The following CFAP69 variants were observed in gnomAD, a reference collection of about 807,000 sequenced individuals.
The protein encoded by CFAP69 is cilia and flagella associated protein 69, also known as cilia- and flagella-associated protein 69.
A neutral mutation model predicts 123.0 loss-of-function variants in CFAP69; 92 were observed. The observed-to-expected ratio is 0.75, with a 90% CI of 0.63 to 0.89. The LOEUF (loss-of-function observed/expected upper bound fraction) is 0.89, where lower values mean the gene tolerates loss of function less well. CFAP69 is among the 40% of genes least tolerant of loss of function. The probability of loss-of-function intolerance (pLI) is 0.00; values close to 1 mark genes in which losing one functional copy is unlikely to be tolerated. For missense variants in CFAP69, 1,067 were observed against 1,096.9 expected, an observed-to-expected ratio of 0.97 and a Z score of 0.39; for synonymous variants, 380 against 364.3, an observed-to-expected ratio of 1.04 and a Z score of -0.49.
In CFAP69 at chr7:90,304,727, T is replaced by C; in HGVS notation, c.2189-17T>C. 1.3e-6 allele frequency: 2 copies of C among 1,598,604 alleles called. No homozygotes were observed. Among genetic ancestry groups the C allele is most frequent in the Non-Finnish European group, 1.7e-6 (2 of 1,174,546 alleles). On this transcript the variant is annotated splice_polypyrimidine_tract_variant and intron_variant, in intron 18 of 22. Coordinates refer to ENST00000389297, the MANE Select transcript of CFAP69 (RefSeq NM_001039706.3). Reference sequence around the variant, plus strand: ...TGCTCTGCTAAAGTAATTCTGTCTTTATAAACTTTATTTTAGATTTTGAAA... The same window carrying C: ...TGCTCTGCTAAAGTAATTCTGTCTTCATAAACTTTATTTTAGATTTTGAAA...
chr7:90,259,593 C>T (rs1253925152), intron 3 of CFAP69, among the ~76,000 whole-genome samples: 1 of 152,010 alleles, frequency 6.6e-6, no homozygotes, highest in African/African-American at 2.4e-5. Flanking sequence ...TGGGCTTAAG[C>T]GATCCTCTCA....
chr7:90,250,240 T>C, intron 1 of CFAP69, among the ~76,000 whole-genome samples: 1 of 102,102 alleles, frequency 9.8e-6, no homozygotes. Flanking sequence ...GAGAGACTCC[T>C]TGGTTGTCCA....
In CFAP69 at chr7:90,307,787, A is replaced by C; in HGVS notation, c.2483A>C (p.Gln828Pro). 6.2e-7 allele frequency: 1 copy of C among 1,609,958 alleles called. No individual in the cohort carries two copies. Among genetic ancestry groups the C allele is most frequent in the Non-Finnish European group, 8.5e-7 (1 of 1,177,980 alleles). Reference protein sequence around the residue: ...VYAKIQATHKQRELANKSWED... With the variant: ...VYAKIQATHKPRELANKSWED... ...TTTCAGATACAGGCCACGCACAAGC[A>C]AAGAGAGCTGGCTAATAAATCATGG... Residue 828 changes from glutamine (Q) to proline (P), a missense_variant, in exon 21 of 23, where the codon CAA becomes CCA. Transcript: ENST00000389297.
At chr7:90,247,425 T>C (rs1050613753) in intron 1 of CFAP69, among the ~76,000 whole-genome samples, 6 of 152,146 alleles carry the variant, frequency 3.9e-5, no homozygotes, top group Admixed American at 3.9e-4. Flanking sequence ...AAGGTGAGAG[T>C]ATCACAACTA....
chr7:90,301,673 G>A (rs1483827617), intron 17 of CFAP69: 1 of 152,116 alleles, frequency 6.6e-6, no homozygotes, highest in Non-Finnish European at 1.5e-5. Flanking sequence ...CTATTTTTAT[G>A]GCTGCATAGC....
rs2116922687 is a variant in CFAP69, at chr7:90,272,116, T to A, written c.860+158T>A. On this transcript the variant is annotated intron_variant, in intron 8 of 22. Transcript: ENST00000389297. Reference sequence around the variant, plus strand: ...TTTTTTGTTCCATGGTATAAATGAATCTGCACAATAACAAGCCACACTTTT... The same window carrying A: ...TTTTTTGTTCCATGGTATAAATGAAACTGCACAATAACAAGCCACACTTTT... 9 of 631,588 alleles carry A rather than the reference T, an allele frequency of 1.4e-5. No homozygotes were observed. The Middle Eastern group carries it at 3.6e-3, about 252-fold the overall frequency. The allele number at this position is 631,588 out of a possible 1,614,324, so 39.1% of individuals were successfully genotyped here.
rs1584522261 is a variant in CFAP69, at chr7:90,299,991, T to C, written c.1982T>C (p.Leu661Ser). The C allele has an allele frequency of 6.2e-7, 1 of 1,611,106 alleles. No homozygotes were observed. The change falls in exon 17 of 23, where the codon TTA (leucine) becomes TCA (serine). Residue 661 changes from leucine (L) to serine (S), a missense_variant. Coordinates refer to ENST00000389297, the MANE Select transcript of CFAP69 (RefSeq NM_001039706.3). ...GKKDQTAASLLIKLWRKEEKE... is the reference protein window; with the variant it reads ...GKKDQTAASLSIKLWRKEEKE... ...AAGGATCAGACAGCTGCTAGTCTTTTAATTAAATTGTGGAGAAAGGAGGAA... is the reference window on the plus strand; with the variant it reads ...AAGGATCAGACAGCTGCTAGTCTTTCAATTAAATTGTGGAGAAAGGAGGAA...
chr7:90,304,304 A>G (rs566015527), intron 18 of CFAP69, 198 bp downstream of exon 18: 1 of 1,298,268 alleles, frequency 7.7e-7, no homozygotes, highest in Non-Finnish European at 9.7e-7. Flanking sequence ...TCCAGGCAAT[A>G]GTATTTTTTA....
intron 16 of CFAP69, among the ~76,000 whole-genome samples, chr7:90,298,728 AG>A (rs1268465422): frequency 6.6e-6 from 1 of 152,150 alleles, no homozygotes; most frequent in East Asian, 1.9e-4. Context: ...TGTGCATCTA[AG>A]TGTGCATGCA....
At chr7:90,288,406 T>C in intron 15 of CFAP69, 54 bp downstream of exon 15, 1 of 1,562,086 alleles carries the variant, frequency 6.4e-7, no homozygotes, top group South Asian at 1.2e-5. Context: ...TGCATCACTT[T>C]ACAACAGTGA....
rs1415568406 is a variant in CFAP69 at position 90,309,300 on chromosome 7, C to A, written c.2588C>A (p.Ser863Tyr). Residue 863 changes from serine (S) to tyrosine (Y), a missense_variant, in exon 22 of 23, where the codon TCC (serine) becomes TAC (tyrosine). By Grantham distance (144) the Ser-to-Tyr change is moderately radical. Transcript: ENST00000389297. Reference protein sequence around the residue: ...KSLQEKAIEASRYHKRPQNAI... With the variant: ...KSLQEKAIEAYRYHKRPQNAI... ...CTTCAAGAAAAAGCTATAGAAGCCT[C>A]CAGATACCATAAACGACCACAAAAT... is the stretch of plus-strand genomic sequence containing the variant. 1 of 1,587,382 alleles carries A rather than the reference C, an allele frequency of 6.3e-7. No homozygotes were observed. Among genetic ancestry groups the A allele is most frequent in the African/African-American group, 1.4e-5 (1 of 73,932 alleles).
In CFAP69 at chr7:90,271,682, A is replaced by G. The variant is rs745390036; in HGVS notation, c.682+7A>G. On this transcript the variant is annotated splice_region_variant and intron_variant, in intron 7 of 22. Coordinates refer to ENST00000389297, the MANE Select transcript of CFAP69 (RefSeq NM_001039706.3). ...CAGCATCTCTCAACTTCTGGTTTGT[A>G]TATTATTAAGTTTAAACACTTCATT... The G allele has an allele frequency of 6.2e-6, 10 of 1,611,952 alleles. No individual in the cohort carries two copies. The highest frequency in any genetic ancestry group is 8.5e-6 in the Non-Finnish European group (10 of 1,179,150).
intron 1 of CFAP69, among the ~76,000 whole-genome samples, chr7:90,248,525 A>T (rs1796590420): frequency 1.3e-5 from 2 of 152,226 alleles, no homozygotes; most frequent in African/African-American, 2.4e-5. Flanking sequence ...TAACTTTGAA[A>T]TGTTCTCTGA....
At chr7:90,298,474 C>G (rs755274803) in intron 16 of CFAP69, among the ~76,000 whole-genome samples, 1 of 152,168 alleles carries the variant, frequency 6.6e-6, no homozygotes, top group Non-Finnish European at 1.5e-5. Flanking sequence ...GAGAGATTCT[C>G]ACACAGAGTT....
chr7:90,320,256 C>T, the CFAP69 span: 1 of 152,274 alleles, frequency 6.6e-6, no homozygotes, highest in Non-Finnish European at 1.5e-5. Flanking sequence ...ATCTCACAAA[C>T]ACCGTTTAAG....
chr7:90,246,883 A>G (rs571939118), intron 1 of CFAP69, among the ~76,000 whole-genome samples: 1 of 152,248 alleles, frequency 6.6e-6, no homozygotes, highest in East Asian at 1.9e-4. Context: ...AAACATACCA[A>G]ATGAAACAAG....
downstream of CFAP69, among the ~76,000 whole-genome samples, chr7:90,313,988 A>AG (rs1395330534): frequency 6.6e-6 from 1 of 152,216 alleles, no homozygotes; most frequent in Non-Finnish European, 1.5e-5. Context: ...TGACGTGTTG[A>AG]GTATGATACT....
Position 90,307,839 on chromosome 7 carries a change from C to G in CFAP69, c.2535C>G (p.Asn845Lys), listed in dbSNP as rs558288448. ...SWEDFLARTS[N>K]AKTLKKAKSL... ...AAGATTTCTTGGCTAGAACATCAAACGCTAAAACGTTAAAGGTAGGATTTT... is the reference window on the plus strand; with the variant it reads ...AAGATTTCTTGGCTAGAACATCAAAGGCTAAAACGTTAAAGGTAGGATTTT... The change falls in exon 21 of 23, where the codon AAC becomes AAG. Residue 845 changes from asparagine to lysine, a missense_variant. Asn to Lys is a moderately conservative substitution (Grantham distance 94). Transcript: ENST00000389297. The G allele has an allele frequency of 6.2e-7, 1 of 1,609,002 alleles. No homozygotes were observed.
At chr7:90,308,580 C>T (rs569775722) in intron 21 of CFAP69, among the ~76,000 whole-genome samples, 13 of 152,236 alleles carry the variant, frequency 8.5e-5, no homozygotes, top group South Asian at 2.1e-4. Context: ...GTCCACAAGA[C>T]GGTGGAACCA....
Sources: gnomAD v4.1 joint callset for allele counts (sites outside exome capture counted in the v4.1 genomes callset) on GRCh38, gnomAD v4.1.1 for gene constraint, MANE v1.5 for transcripts, NCBI Gene and HGNC (gene_info 2026-07-23, HGNC 2026-07-21) for gene names.